Variants in INPP4A observed in about 807,000 individuals in gnomAD.
INPP4A encodes the protein inositol polyphosphate-4-phosphatase, type I, 107kD.
A neutral mutation model predicts 119.8 loss-of-function variants in INPP4A; 33 were observed. The ratio of observed to expected loss-of-function variants is 0.28; its 90% CI spans 0.21 to 0.37. The LOEUF (loss-of-function observed/expected upper bound fraction) is 0.37. INPP4A is among the 10% of genes least tolerant of loss of function. The pLI is 1.00. For synonymous variants in INPP4A, 496 were observed against 500.7 expected (o/e 0.99, Z 0.12); for missense variants, 956 against 1,289.9 (o/e 0.74, Z 3.97).
intron 1 of INPP4A, among the ~76,000 whole-genome samples, chr2:98,514,431 A>G (rs1244004509): frequency 1.3e-5 from 2 of 152,112 alleles, no homozygotes; most frequent in African/African-American, 4.8e-5. Flanking sequence ...TAATGAGATG[A>G]CTGGTGGCTG....
intron 5 of INPP4A, among the ~76,000 whole-genome samples, chr2:98,534,104 TC>T (rs1559023157): frequency 6.6e-6 from 1 of 152,224 alleles, no homozygotes; most frequent in Non-Finnish European, 1.5e-5. Context: ...AAACTGCATT[TC>T]TTCTTCTTCA....
intron 7 of INPP4A, among the ~76,000 whole-genome samples, chr2:98,536,981 TGTAAG>T (rs1247338864): frequency 1.3e-5 from 2 of 152,202 alleles, no homozygotes; most frequent in African/African-American, 4.8e-5. Context: ...AGAGGGATCA[TGTAAG>T]GGAAAGGGCT....
chr2:98,520,443 C>G (rs1222441133), intron 3 of INPP4A, among the ~76,000 whole-genome samples: 1 of 152,160 alleles, frequency 6.6e-6, no homozygotes, highest in Non-Finnish European at 1.5e-5. Flanking sequence ...TGGCCCATGC[C>G]CAGGCCATGG....
chr2:98,582,113 C>T (rs1412817958), intron 24 of INPP4A, among the ~76,000 whole-genome samples: 1 of 152,144 alleles, frequency 6.6e-6, no homozygotes, highest in Admixed American at 6.5e-5. Context: ...CCAAGAGAAA[C>T]GAGTTCTGTT....
In INPP4A at chr2:98,593,936, C is replaced by T. The variant is rs374794615; in HGVS notation, c.*6328C>T. 5 of 150,924 alleles carry T rather than the reference C, an allele frequency of 3.3e-5. No individual in the cohort carries two copies. The highest frequency in any genetic ancestry group is 7.5e-5 in the Non-Finnish European group (5 of 67,060). 9.3% of individuals were successfully genotyped at this position (150,924 alleles called of 1,614,324 possible). A position where few individuals can be genotyped will look rare whatever the true frequency, so the allele number is the denominator to read the frequency against. On this transcript the variant is annotated 3_prime_UTR_variant, in exon 25 of 25. Transcript: ENST00000409851. ...TGGCCCTTTCAAAAAAACTTCCTCT[C>T]CTTCATTGTTGACTATGAAGATTCT...
Position 98,531,158 on chromosome 2 carries a change from CAT to C in INPP4A, c.152-2217_152-2216del, listed in dbSNP as rs1473998743. ...CACATTGGGATATAAGATTTCAACACATAAATTTTGGGGTTTGTGTCAGAGGA... is the reference window on the plus strand; with the variant it reads ...CACATTGGGATATAAGATTTCAACACAAATTTTGGGGTTTGTGTCAGAGGA... On this transcript the variant is annotated intron_variant, in intron 4 of 24. Coordinates refer to ENST00000409851, the MANE Select transcript of INPP4A (RefSeq NM_001134225.2). 2.0e-5 allele frequency among the ~76,000 whole-genome samples: 3 copies of C among 152,304 alleles called. No individual in the cohort carries two copies. The South Asian group carries it at 6.2e-4, about 32-fold the overall frequency.
intron 1 of INPP4A, among the ~76,000 whole-genome samples, chr2:98,512,174 G>A (rs139287708): frequency 6.6e-6 from 1 of 152,226 alleles, no homozygotes; most frequent in East Asian, 1.9e-4. Flanking sequence ...GATGTTTTCT[G>A]TGTTTCTTCA....
chr2:98,520,126 G>A lies in INPP4A; in HGVS notation c.78G>A (p.Ala26=), dbSNP rs1408272923. The change falls in exon 3 of 25, where the codon GCG becomes GCA. Residue 26 remains alanine (A), a synonymous_variant. Transcript: ENST00000409851. ...AGCGGGCTTCCACCATCGACGTGGC[G>A]GCCGACATGCTGGGCCTCTCTCTGG... ...AMQRASTIDV[A]ADMLGLSLAG... is the part of the protein sequence containing the mutation. The A allele has an allele frequency of 5.8e-6, 9 of 1,563,108 alleles. No individual in the cohort carries two copies. Among genetic ancestry groups the A allele is most frequent in the African/African-American group, 2.7e-5 (2 of 73,654 alleles).
intron 8 of INPP4A, among the ~76,000 whole-genome samples, chr2:98,538,580 A>G (rs1690768200): frequency 6.6e-6 from 1 of 152,208 alleles, no homozygotes; most frequent in Non-Finnish European, 1.5e-5. Context: ...TAAGCCCAGA[A>G]TGTTAGTTCT....
At chr2:98,581,691 A>G in intron 24 of INPP4A, 1 of 1,612,514 alleles carries the variant, frequency 6.2e-7, no homozygotes, top group Non-Finnish European at 8.5e-7. Context: ...TCTGAGCCCC[A>G]ATTTACTGAT....
Position 98,453,727 on chromosome 2 carries a change from A to G in INPP4A, c.-166+8642A>G, listed in dbSNP as rs139218348. Among the ~76,000 whole-genome samples the G allele has an allele frequency of 2.0e-3, 306 of 152,250 alleles. 2 individuals carry two copies. The highest frequency in any genetic ancestry group is 7.2e-3 in the African/African-American group (300 of 41,538). ...CAGTGGTGAGGGCCAGTGGGAGTGG[A>G]GCTGGGGGCGTGAGGAGCAGGCACA... is the stretch of plus-strand genomic sequence containing the variant. On this transcript the variant is annotated intron_variant, in intron 1 of 24. Transcript: ENST00000409851.
chr2:98,542,762 T>G (rs1327797166), intron 10 of INPP4A, among the ~76,000 whole-genome samples: 1 of 152,136 alleles, frequency 6.6e-6, no homozygotes, highest in Non-Finnish European at 1.5e-5. Context: ...CAGGTTTTTT[T>G]TTTTGGAGAT....
intron 1 of INPP4A, among the ~76,000 whole-genome samples, chr2:98,445,867 G>A (rs1694097797): frequency 6.6e-6 from 1 of 152,228 alleles, no homozygotes; most frequent in Non-Finnish European, 1.5e-5. Flanking sequence ...ACCTATATGT[G>A]GTAGAGCCCA....
At chr2:98,481,462 A>G (rs939678549) in intron 1 of INPP4A, among the ~76,000 whole-genome samples, 1 of 152,144 alleles carries the variant, frequency 6.6e-6, no homozygotes, top group African/African-American at 2.4e-5. Flanking sequence ...CTCTTGGATA[A>G]TCCTGTGGTC....
At chr2:98,456,379 G>T (rs918081628) in intron 1 of INPP4A, among the ~76,000 whole-genome samples, 1 of 152,172 alleles carries the variant, frequency 6.6e-6, no homozygotes, top group African/African-American at 2.4e-5. Context: ...GTGTTGCCCA[G>T]GCTGGAGTGC....
At chr2:98,536,640 TC>T (rs1363209721) in intron 7 of INPP4A, among the ~76,000 whole-genome samples, 8 of 152,164 alleles carry the variant, frequency 5.3e-5, no homozygotes, top group African/African-American at 1.9e-4. Flanking sequence ...GCCCACTGTC[TC>T]CCAGGATGGA....
At chr2:98,548,342 A>G (rs920171807) in intron 13 of INPP4A, among the ~76,000 whole-genome samples, 1 of 152,214 alleles carries the variant, frequency 6.6e-6, no homozygotes, top group Non-Finnish European at 1.5e-5. Context: ...TGCTGACTCC[A>G]GGTCCCTTTG....
intron 22 of INPP4A, among the ~76,000 whole-genome samples, chr2:98,572,451 C>T (rs1005063994): frequency 2.0e-5 from 3 of 152,242 alleles, no homozygotes; most frequent in Non-Finnish European, 4.4e-5. Context: ...GTTTCTTCTA[C>T]CCTCGGGAAG....
At chr2:98,454,682 TC>T (rs1049869059) in intron 1 of INPP4A, among the ~76,000 whole-genome samples, 1 of 146,830 alleles carries the variant, frequency 6.8e-6, no homozygotes, top group Non-Finnish European at 1.5e-5. Flanking sequence ...CAGGGTACCT[TC>T]CAGGGGAAAT....
Sources: allele counts gnomAD v4.1 joint callset (sites outside exome capture counted in the v4.1 genomes callset), GRCh38; gene constraint gnomAD v4.1.1; transcripts MANE v1.5; gene names NCBI Gene and HGNC (gene_info 2026-07-23, HGNC 2026-07-21).